TMEM178B: variants seen among roughly 807,000 people sequenced by gnomAD.
TMEM178B encodes the protein transmembrane protein 178B.
In TMEM178B, 5 loss-of-function variants were observed where a neutral mutation model predicts 31.0. The ratio of observed to expected loss-of-function variants is 0.16; its 90% CI spans 0.08 to 0.34. The LOEUF is 0.34. TMEM178B is among the 10% of genes least tolerant of loss of function. TMEM178B has a pLI of 1.00. For synonymous variants in TMEM178B, 164 were observed against 164.0 expected, an observed-to-expected ratio of 1.00 and a Z score of 0.00; for missense variants, 275 against 400.3, an observed-to-expected ratio of 0.69 and a Z score of 2.67.
intron 2 of TMEM178B, among the ~76,000 whole-genome samples, chr7:141,398,818 G>A (rs1800702403): frequency 6.6e-6 from 1 of 152,152 alleles, no homozygotes; most frequent in African/African-American, 2.4e-5. Flanking sequence ...CCAGAAAGAT[G>A]AACTGACTTC....
chr7:141,313,415 A>G lies in TMEM178B; in HGVS notation c.496+100711A>G, dbSNP rs991650937. 3.3e-5 allele frequency among the ~76,000 whole-genome samples: 5 copies of G among 152,188 alleles called. No individual in the cohort carries two copies. The East Asian group carries it at 9.7e-4, about 29-fold the overall frequency. ...GCTCTCTCTTGCTCTCCCCATGTTC[A>G]TGATCTGTCTCCTTTCCCTTGATAA... is the stretch of plus-strand genomic sequence containing the variant. On this transcript the variant is annotated intron_variant, in intron 2 of 3. Transcript: ENST00000565468.
chr7:141,397,754 T>C (rs1405918784), intron 2 of TMEM178B, among the ~76,000 whole-genome samples: 1 of 152,224 alleles, frequency 6.6e-6, no homozygotes, highest in Non-Finnish European at 1.5e-5. Context: ...TAATTGCCAT[T>C]AGGAATACTT....
chr7:141,509,714 T>A, the TMEM178B span, among the ~76,000 whole-genome samples: 2 of 152,182 alleles, frequency 1.3e-5, no homozygotes, highest in Non-Finnish European at 2.9e-5. Context: ...AAAGGTACAC[T>A]GAGCAGAAAC....
Position 141,377,563 on chromosome 7 carries a change from CA to C in TMEM178B, c.497-60043del, listed in dbSNP as rs761710163. On this transcript the variant is annotated intron_variant, in intron 2 of 3. Coordinates refer to ENST00000565468, the MANE Select transcript of TMEM178B (RefSeq NM_001195278.2). ...GTGGACACCTGTAATCACGGCTACT[CA>C]AGAGGCTAAGACAGGAGAATCACTG... Among the ~76,000 whole-genome samples, 6 of 151,836 alleles carry C rather than the reference CA, an allele frequency of 4.0e-5. 1 individual carries two copies. The highest frequency in any genetic ancestry group is 8.8e-5 in the Non-Finnish European group (6 of 68,010).
chr7:141,206,772 C>A (rs962506187), intron 1 of TMEM178B, among the ~76,000 whole-genome samples: 1 of 152,144 alleles, frequency 6.6e-6, no homozygotes, highest in African/African-American at 2.4e-5. Context: ...AATTGCTCTC[C>A]CTGTTTTGCT....
intron 2 of TMEM178B, among the ~76,000 whole-genome samples, chr7:141,288,057 G>A (rs1488069975): frequency 6.6e-6 from 1 of 152,154 alleles, no homozygotes; most frequent in Non-Finnish European, 1.5e-5. Context: ...CCTGCTGACA[G>A]ATGCCCTGAC....
rs140619045 is a variant in TMEM178B at position 141,128,418 on chromosome 7, A to G, written c.382+53726A>G. Among the ~76,000 whole-genome samples the G allele has an allele frequency of 7.3e-3, 1,118 of 152,298 alleles. 15 individuals carry two copies. The highest frequency in any genetic ancestry group is 0.024 in the African/African-American group (996 of 41,556). ...GGTCTTCAGACTTATTTGGCAAGGCAAAACAGCCCCTGGGCACCTTACGTG... is the reference window on the plus strand; with the variant it reads ...GGTCTTCAGACTTATTTGGCAAGGCGAAACAGCCCCTGGGCACCTTACGTG... On this transcript the variant is annotated intron_variant, in intron 1 of 3. Coordinates refer to ENST00000565468, the MANE Select transcript of TMEM178B (RefSeq NM_001195278.2).
chr7:141,479,702 G>C lies in TMEM178B; in HGVS notation c.*8916G>C, dbSNP rs1301474131. The stretch of plus-strand genomic sequence containing the variant: ...GAGTATGTTTTATATATGGTCATTA[G>C]ACAGGGACCATAACTGACAAAACTC... On this transcript the variant is annotated 3_prime_UTR_variant, in exon 4 of 4. Coordinates refer to ENST00000565468, the MANE Select transcript of TMEM178B (RefSeq NM_001195278.2). 6.6e-6 allele frequency: 1 copy of C among 152,180 alleles called. No homozygotes were observed. Among genetic ancestry groups the C allele is most frequent in the Non-Finnish European group, 1.5e-5 (1 of 68,040 alleles). 9.4% of individuals were successfully genotyped at this position (152,180 alleles called of 1,614,324 possible).
At chr7:141,167,443 G>T (rs1018639927) in intron 1 of TMEM178B, among the ~76,000 whole-genome samples, 3 of 152,214 alleles carry the variant, frequency 2.0e-5, no homozygotes, top group Non-Finnish European at 2.9e-5. Context: ...GAATCGTGTT[G>T]CCCTCCTGCC....
chr7:141,081,220 T>A (rs1429764587), intron 1 of TMEM178B, among the ~76,000 whole-genome samples: 1 of 152,120 alleles, frequency 6.6e-6, no homozygotes, highest in African/African-American at 2.4e-5. Context: ...AGATTGATGA[T>A]CCCAACCCTC....
At chr7:141,338,108 A>G (rs1024300743) in intron 2 of TMEM178B, among the ~76,000 whole-genome samples, 8 of 152,208 alleles carry the variant, frequency 5.3e-5, no homozygotes, top group African/African-American at 1.7e-4. Flanking sequence ...AAGTGCTGGG[A>G]TTACAGGCGT....
At position 141,219,402 on chromosome 7, in the gene TMEM178B, G is replaced by A. The variant is rs367649376; in HGVS notation, c.496+6698G>A. On this transcript the variant is annotated intron_variant, in intron 2 of 3. Coordinates refer to ENST00000565468, the MANE Select transcript of TMEM178B (RefSeq NM_001195278.2). ...ATTTTCCTTCTCCCACATTCGCATCGGTGCTCAGCCAGTATGAGGCTCTTA... is the reference window on the plus strand; with the variant it reads ...ATTTTCCTTCTCCCACATTCGCATCAGTGCTCAGCCAGTATGAGGCTCTTA... Among the ~76,000 whole-genome samples, 180 of 152,288 alleles carry A rather than the reference G, an allele frequency of 1.2e-3. 1 individual carries two copies. The highest frequency in any genetic ancestry group is 0.01 in the South Asian group (50 of 4,824).
At chr7:141,218,506 C>A (rs567440630) in intron 2 of TMEM178B, among the ~76,000 whole-genome samples, 2 of 152,314 alleles carry the variant, frequency 1.3e-5, no homozygotes, top group African/African-American at 4.8e-5. Context: ...GATCTCTCAC[C>A]ACTGCCTGTG....
chr7:141,125,770 G>A (rs1795484348), intron 1 of TMEM178B, among the ~76,000 whole-genome samples: 1 of 152,098 alleles, frequency 6.6e-6, no homozygotes, highest in Admixed American at 6.5e-5. Context: ...TGAAGTTGTA[G>A]TTTTAATTGC....
chr7:141,437,361 G>A (rs552082082), intron 2 of TMEM178B, among the ~76,000 whole-genome samples: 3 of 152,354 alleles, frequency 2.0e-5, no homozygotes, highest in East Asian at 1.9e-4. Context: ...AAATGGCCAC[G>A]ATATTGTGAT....
chr7:141,078,932 A>G (rs144035177), intron 1 of TMEM178B, among the ~76,000 whole-genome samples: 4,774 of 152,276 alleles, frequency 0.031, 99 homozygotes, highest in Non-Finnish European at 0.051. Flanking sequence ...CCCTACAGCT[A>G]TGCTGCCCAG....
At chr7:141,102,542 C>T (rs559822829) in intron 1 of TMEM178B, among the ~76,000 whole-genome samples, 1 of 152,246 alleles carries the variant, frequency 6.6e-6, no homozygotes, top group African/African-American at 2.4e-5. Context: ...TTTTCAAGCT[C>T]TCCTACACTG....
intron 2 of TMEM178B, among the ~76,000 whole-genome samples, chr7:141,319,167 CT>C (rs1799054692): frequency 6.6e-6 from 1 of 152,168 alleles, no homozygotes; most frequent in African/African-American, 2.4e-5. Flanking sequence ...AATAAATTGG[CT>C]TTTAACGACC....
intron 1 of TMEM178B, among the ~76,000 whole-genome samples, chr7:141,169,544 G>A (rs1010324392): frequency 3.3e-5 from 5 of 152,170 alleles, no homozygotes; most frequent in African/African-American, 1.2e-4. Flanking sequence ...ACATTCATCT[G>A]GCTAATATCT....
Sources: allele counts gnomAD v4.1 joint callset (sites outside exome capture counted in the v4.1 genomes callset), GRCh38; gene constraint gnomAD v4.1.1; transcripts MANE v1.5; gene names NCBI Gene and HGNC (gene_info 2026-07-23, HGNC 2026-07-21).